LETM2: variants seen among roughly 807,000 people sequenced by gnomAD.
The protein encoded by LETM2 is leucine zipper and EF-hand containing transmembrane protein 2.
In LETM2, 58 loss-of-function variants were observed where a neutral mutation model predicts 59.6. That is an observed-to-expected ratio of 0.97 (90% CI 0.79 to 1.21). The LOEUF is 1.21. Among genes scored for constraint, LETM2 ranks in the 50% most tolerant of loss-of-function variants. The pLI is 0.00. For missense variants in LETM2, 572 were observed against 575.7 expected (o/e 0.99, Z 0.07); for synonymous variants, 199 against 214.1 (o/e 0.93, Z 0.62).
intron 2 of LETM2, among the ~76,000 whole-genome samples, chr8:38,391,194 A>AC (rs1812220882): frequency 4.2e-5 from 6 of 143,746 alleles, no homozygotes; most frequent in Admixed American, 1.4e-4. Context: ...AAAAAAAAAA[A>AC]AAAACAAAAA....
chr8:38,388,024 G>T lies in LETM2; in HGVS notation c.41G>T (p.Arg14Leu). 1 of 1,527,812 alleles carries T rather than the reference G, an allele frequency of 6.5e-7. No individual in the cohort carries two copies. Among genetic ancestry groups the T allele is most frequent in the South Asian group, 1.2e-5 (1 of 83,696 alleles). 94.6% of individuals were successfully genotyped at this position (1,527,812 alleles called of 1,614,324 possible). Residue 14 changes from arginine (R) to leucine (L), a missense_variant, in exon 2 of 11, where the codon CGA (arginine) becomes CTA (leucine). Transcript: ENST00000379957. ...TATAATTCAGTTCTGGCTATTGCTC[G>T]AACAAGGTAAGCATTGGAGTTACCC... ...YSYNSVLAIA[R>L]TRFPSHFVHP...
chr8:38,404,572 G>A (rs1053599565), intron 8 of LETM2, 66 bp downstream of exon 8: 3 of 965,204 alleles, frequency 3.1e-6, no homozygotes, highest in South Asian at 2.6e-5. Flanking sequence ...CAAACACTTG[G>A]TGTACTCTTG....
chr8:38,405,684 T>G (rs1224840768), intron 8 of LETM2, among the ~76,000 whole-genome samples: 1 of 152,188 alleles, frequency 6.6e-6, no homozygotes, highest in Admixed American at 6.5e-5. Context: ...GGCAGGCTAG[T>G]GGGTTCTTAT....
intron 2 of LETM2, among the ~76,000 whole-genome samples, chr8:38,391,680 G>A (rs181165631): frequency 6.6e-6 from 1 of 150,734 alleles, no homozygotes; most frequent in African/African-American, 2.4e-5. Flanking sequence ...ACCCTTAATT[G>A]GGGTGCCCAA....
chr8:38,407,102 T>C, intron 9 of LETM2, 64 bp downstream of exon 9: 1 of 982,798 alleles, frequency 1.0e-6, no homozygotes, highest in South Asian at 1.3e-5. Flanking sequence ...TGGGTCATTT[T>C]CTCCTGTTTT....
intron 2 of LETM2, among the ~76,000 whole-genome samples, chr8:38,388,511 C>T (rs1352115613): frequency 6.6e-6 from 1 of 150,604 alleles, no homozygotes; most frequent in Admixed American, 6.6e-5. Context: ...TGCCTGAGGT[C>T]AGGAGTTCAA....
intron 4 of LETM2, among the ~76,000 whole-genome samples, chr8:38,395,322 T>A (rs1156439423): frequency 6.6e-6 from 1 of 152,228 alleles, no homozygotes; most frequent in South Asian, 2.1e-4. Flanking sequence ...GTGGCTGTAT[T>A]GTTCTATATT....
At chr8:38,406,037 T>A (rs1377086893) in intron 8 of LETM2, among the ~76,000 whole-genome samples, 1 of 152,208 alleles carries the variant, frequency 6.6e-6, no homozygotes, top group South Asian at 2.1e-4. Flanking sequence ...TAATTTTGGA[T>A]GTATGTAGCC....
chr8:38,396,372 C>T (rs1421256383), intron 4 of LETM2, among the ~76,000 whole-genome samples: 1 of 152,052 alleles, frequency 6.6e-6, no homozygotes, highest in African/African-American at 2.4e-5. Context: ...CCATGTTGGC[C>T]AGGCTGGTCT....
At chr8:38,404,283 G>A (rs1315721402) in intron 7 of LETM2, 110 bp from the exon 8 acceptor site, 23 of 739,792 alleles carry the variant, frequency 3.1e-5, no homozygotes, top group African/African-American at 1.2e-4. Context: ...GCGGCTTGGC[G>A]GAAAGGGCGG....
upstream of LETM2, among the ~76,000 whole-genome samples, chr8:38,384,307 C>T (rs1055740916): frequency 6.6e-6 from 1 of 152,126 alleles, no homozygotes; most frequent in Non-Finnish European, 1.5e-5. Context: ...ATGCTGACAG[C>T]AAGAGTTTAA....
At chr8:38,401,273 A>T (rs1813201312) in intron 6 of LETM2, among the ~76,000 whole-genome samples, 1 of 152,116 alleles carries the variant, frequency 6.6e-6, no homozygotes, top group Admixed American at 6.5e-5. Context: ...AGTAGCTGGG[A>T]TTACAGGCAC....
intron 2 of LETM2, among the ~76,000 whole-genome samples, chr8:38,390,703 A>G (rs573117572): frequency 7.0e-6 from 1 of 142,646 alleles, no homozygotes; most frequent in East Asian, 2.3e-4. Context: ...TTTTTTTGTG[A>G]GACAGAGTCT....
In LETM2 at chr8:38,392,565, C is replaced by T; in HGVS notation, c.71C>T (p.Pro24Leu). The T allele has an allele frequency of 1.2e-6, 2 of 1,610,844 alleles. No homozygotes were observed. The highest frequency in any genetic ancestry group is 1.7e-5 in the Admixed American group (1 of 59,992). ...AGATTCCCTAGCCATTTTGTCCATC[C>T]TACCTGCTCTTCTTATTCCCCATCA... Reference protein sequence around the residue: ...RTRFPSHFVHPTCSSYSPSCA... With the variant: ...RTRFPSHFVHLTCSSYSPSCA... The change falls in exon 3 of 11, where the codon CCT (proline) becomes CTT (leucine). Residue 24 changes from proline (P) to leucine (L), a missense_variant. By Grantham distance (98) the Pro-to-Leu change is moderately conservative. Coordinates refer to ENST00000379957, the MANE Select transcript of LETM2 (RefSeq NM_001286819.2).
chr8:38,388,441 G>T (rs1354721348), intron 2 of LETM2, among the ~76,000 whole-genome samples: 1 of 151,546 alleles, frequency 6.6e-6, no homozygotes, highest in Non-Finnish European at 1.5e-5. Flanking sequence ...TTTCTTGGAG[G>T]CTGGGTGCAG....
chr8:38,393,349 TA>T (rs1012831321), intron 3 of LETM2: 2 of 196,438 alleles, frequency 1.0e-5, no homozygotes, highest in Non-Finnish European at 2.1e-5. Context: ...TATGCATTTT[TA>T]AAACCCAATT....
At chr8:38,385,197 T>C (rs1310579969), upstream of LETM2, among the ~76,000 whole-genome samples, 39 of 152,202 alleles carry the variant, frequency 2.6e-4, no homozygotes, top group Non-Finnish European at 5.9e-5. Flanking sequence ...TGGATCTATT[T>C]GGTTATTAGC....
intron 2 of LETM2, among the ~76,000 whole-genome samples, chr8:38,391,124 G>A (rs1468641587): frequency 7.1e-6 from 1 of 141,534 alleles, no homozygotes; most frequent in Admixed American, 7.5e-5. Flanking sequence ...GCTGCAGTGA[G>A]CCGTGATCAT....
chr8:38,406,742 A>C, intron 8 of LETM2: 1 of 467,008 alleles, frequency 2.1e-6, no homozygotes, highest in Non-Finnish European at 3.8e-6. Flanking sequence ...TATATAAAGT[A>C]CTCAAAACTC....
Sources: gnomAD v4.1 joint callset for allele counts (sites outside exome capture counted in the v4.1 genomes callset) on GRCh38, gnomAD v4.1.1 for gene constraint, MANE v1.5 for transcripts, NCBI Gene and HGNC (gene_info 2026-07-23, HGNC 2026-07-21) for gene names.